Variants in SLC35F4 observed in about 807,000 individuals in gnomAD.
SLC35F4 encodes the protein solute carrier family 35 member F4.
SLC35F4 carries 24 observed loss-of-function variants against 44.2 expected under a neutral mutation model. The observed-to-expected ratio is 0.54, with a 90% confidence interval of 0.39 to 0.76. The LOEUF (loss-of-function observed/expected upper bound fraction) is 0.76, where lower values mean the gene tolerates loss of function less well. SLC35F4 is among the 30% of genes least tolerant of loss of function. The pLI is 0.00. For synonymous variants in SLC35F4, 238 were observed against 223.6 expected (o/e 1.06, Z -0.57); for missense variants, 562 against 586.1 (o/e 0.96, Z 0.42).
Position 57,815,645 on chromosome 14 carries a change from C to A in SLC35F4, c.103+50078G>T, listed in dbSNP as rs879449426. 3.9e-5 allele frequency among the ~76,000 whole-genome samples: 6 copies of A among 152,196 alleles called. No individual in the cohort carries two copies. In the East Asian group the frequency reaches 1.2e-3, roughly 29 times the overall value. On this transcript the variant is annotated intron_variant, in intron 1 of 7. Coordinates refer to ENST00000556826, the MANE Select transcript of SLC35F4 (RefSeq NM_001306087.2). ...AGCTATGACCTAGCTTCTGGCAAGG[C>A]AGAATTTACTTAAGGATGCATCATT...
At chr14:57,783,092 A>G (rs574134835) in intron 1 of SLC35F4, among the ~76,000 whole-genome samples, 2 of 152,290 alleles carry the variant, frequency 1.3e-5, no homozygotes, top group Admixed American at 6.5e-5. Context: ...ACCTTTTAAA[A>G]TCATATTAAA....
At chr14:57,883,124 A>C (rs1403091067) in intron 1 of SLC35F4, among the ~76,000 whole-genome samples, 1 of 152,138 alleles carries the variant, frequency 6.6e-6, no homozygotes, top group Non-Finnish European at 1.5e-5. Flanking sequence ...GAAGAATGCG[A>C]CATGGAACAG....
chr14:57,961,498 AGTCTACCATCCTCAT>A (rs1890339419), intron 1 of SLC35F4, among the ~76,000 whole-genome samples: 1 of 152,248 alleles, frequency 6.6e-6, no homozygotes, highest in East Asian at 1.9e-4. Flanking sequence ...TCCCTGTTAT[AGTCTACCATCCTCAT>A]GTCAGCCTTG....
chr14:57,640,236 C>T (rs78870952), intron 1 of SLC35F4, among the ~76,000 whole-genome samples: 72 of 151,870 alleles, frequency 4.7e-4, no homozygotes, highest in African/African-American at 1.7e-3. Flanking sequence ...ATGGTATTTC[C>T]AACATACTGG....
At chr14:57,762,022 T>A (rs187185268) in intron 1 of SLC35F4, among the ~76,000 whole-genome samples, 2 of 152,184 alleles carry the variant, frequency 1.3e-5, no homozygotes, top group Admixed American at 1.3e-4. Context: ...TGCTAAAACA[T>A]TCCATAGGTC....
At chr14:57,735,714 C>T (rs911595943) in intron 1 of SLC35F4, among the ~76,000 whole-genome samples, 1 of 147,226 alleles carries the variant, frequency 6.8e-6, no homozygotes, top group Non-Finnish European at 1.5e-5. Flanking sequence ...CCAACATAGC[C>T]ACCCCCTTTT....
intron 1 of SLC35F4, among the ~76,000 whole-genome samples, chr14:57,606,623 AC>A (rs1396415665): frequency 2.6e-5 from 4 of 152,212 alleles, no homozygotes; most frequent in African/African-American, 7.2e-5. Context: ...TACAAAGAGT[AC>A]TAAAATCCTT....
intron 1 of SLC35F4, among the ~76,000 whole-genome samples, chr14:57,928,166 C>G (rs752263565): frequency 6.6e-6 from 1 of 152,072 alleles, no homozygotes; most frequent in African/African-American, 2.4e-5. Flanking sequence ...ATCCCCCAGC[C>G]AGGGTGGTAT....
At chr14:57,804,413 A>G (rs762964569) in intron 1 of SLC35F4, among the ~76,000 whole-genome samples, 35 of 152,188 alleles carry the variant, frequency 2.3e-4, no homozygotes, top group Non-Finnish European at 4.7e-4. Context: ...GTACTGGTAG[A>G]AAAGCAGACA....
chr14:57,914,180 T>C (rs1889271632), intron 1 of SLC35F4, among the ~76,000 whole-genome samples: 1 of 152,208 alleles, frequency 6.6e-6, no homozygotes, highest in African/African-American at 2.4e-5. Context: ...CACCATCATC[T>C]GTCACAGGTC....
At chr14:57,621,610 C>A (rs1315269480) in intron 1 of SLC35F4, among the ~76,000 whole-genome samples, 6 of 152,128 alleles carry the variant, frequency 3.9e-5, no homozygotes, top group Admixed American at 3.9e-4. Context: ...AACTGGCTAG[C>A]CATATGTAAA....
At chr14:57,814,208 G>A (rs574913284) in intron 1 of SLC35F4, among the ~76,000 whole-genome samples, 2 of 152,296 alleles carry the variant, frequency 1.3e-5, no homozygotes, top group South Asian at 2.1e-4. Flanking sequence ...TTTTCACATA[G>A]TAGGCCATCA....
chr14:57,670,254 A>T (rs2074468343), intron 1 of SLC35F4, among the ~76,000 whole-genome samples: 2 of 151,572 alleles, frequency 1.3e-5, no homozygotes, highest in South Asian at 4.2e-4. Context: ...GCAGTCTATC[A>T]ATTTTGTTGA....
At chr14:57,597,944 G>A (rs1032723661) in intron 1 of SLC35F4, among the ~76,000 whole-genome samples, 8 of 152,092 alleles carry the variant, frequency 5.3e-5, no homozygotes, top group Non-Finnish European at 8.8e-5. Context: ...GGGAGACCTC[G>A]TAAACAAAAA....
chr14:57,832,505 GT>G (rs1884483030), intron 1 of SLC35F4, among the ~76,000 whole-genome samples: 1 of 152,048 alleles, frequency 6.6e-6, no homozygotes, highest in Non-Finnish European at 1.5e-5. Context: ...AGCTTTTCTT[GT>G]TACAAAAAGA....
Position 57,775,830 on chromosome 14 carries a change from G to T in SLC35F4, c.103+89893C>A, listed in dbSNP as rs568129659. 1.8e-4 allele frequency among the ~76,000 whole-genome samples: 28 copies of T among 152,298 alleles called. No homozygotes were observed. The South Asian group carries it at 5.8e-3, about 32-fold the overall frequency. On this transcript the variant is annotated intron_variant, in intron 1 of 7. Transcript: ENST00000556826. ...GCTGAAATGACAGGAATATAATTCA[G>T]AATATGTATAGAAATGAAGATCATT...
At chr14:57,786,063 G>A (rs1355230764) in intron 1 of SLC35F4, among the ~76,000 whole-genome samples, 1 of 152,100 alleles carries the variant, frequency 6.6e-6, no homozygotes, top group Non-Finnish European at 1.5e-5. Context: ...AATAAACTCA[G>A]GGCTGTTGGG....
chr14:57,813,706 C>T (rs184477439), intron 1 of SLC35F4, among the ~76,000 whole-genome samples: 65 of 152,174 alleles, frequency 4.3e-4, no homozygotes, highest in South Asian at 3.7e-3. Context: ...CAGATGGATG[C>T]ACCAACAAGT....
chr14:57,568,844 G>A (rs1284037596), intron 6 of SLC35F4, among the ~76,000 whole-genome samples: 3 of 152,150 alleles, frequency 2.0e-5, no homozygotes, highest in Non-Finnish European at 2.9e-5. Flanking sequence ...TGAGTAGCAC[G>A]TGGAAATAGA....
Sources: gnomAD v4.1 joint callset for allele counts (sites outside exome capture counted in the v4.1 genomes callset) on GRCh38, gnomAD v4.1.1 for gene constraint, MANE v1.5 for transcripts, NCBI Gene and HGNC (gene_info 2026-07-23, HGNC 2026-07-21) for gene names.